MGAM: variants seen among roughly 807,000 people sequenced by gnomAD.
MGAM encodes alpha-1,4-glucosidase.
A neutral mutation model predicts 358.8 loss-of-function variants in MGAM; 253 were observed. That is an observed-to-expected ratio of 0.71 (90% CI 0.64 to 0.78). MGAM has a LOEUF of 0.78. Among genes scored for constraint, MGAM ranks in the 30% least tolerant of loss-of-function variants. The pLI is 0.00. For missense variants in MGAM, 3,080 were observed against 3,432.6 expected, an observed-to-expected ratio of 0.90 and a Z score of 2.57; for synonymous variants, 1,105 against 1,227.1, an observed-to-expected ratio of 0.90 and a Z score of 2.08.
chr7:142,053,864 T>C (rs760476274), intron 26 of MGAM, among the ~76,000 whole-genome samples: 4 of 152,188 alleles, frequency 2.6e-5, no homozygotes, highest in Non-Finnish European at 5.9e-5. Flanking sequence ...AACACTAGCA[T>C]GTTTTAGGCA....
At chr7:141,997,255 A>C (rs1161908571) in intron 1 of MGAM, among the ~76,000 whole-genome samples, 1 of 152,120 alleles carries the variant, frequency 6.6e-6, no homozygotes, top group African/African-American at 2.4e-5. Flanking sequence ...AACTGTCTAC[A>C]GTCTGTGTCC....
chr7:141,992,980 C>T (rs192541715), upstream of MGAM, among the ~76,000 whole-genome samples: 51 of 152,284 alleles, frequency 3.3e-4, no homozygotes, highest in East Asian at 7.1e-3. Flanking sequence ...CAAAGAAACA[C>T]GGTAAGTCAG....
At chr7:142,011,712 A>G (rs1335272157) in intron 3 of MGAM, among the ~76,000 whole-genome samples, 1 of 152,186 alleles carries the variant, frequency 6.6e-6, no homozygotes, top group East Asian at 1.9e-4. Context: ...TGACTATTGA[A>G]CACTATACTA....
rs1418217042 is a variant in MGAM at position 142,093,614 on chromosome 7, C to T, written c.7172+64C>T. 3 of 1,418,872 alleles carry T rather than the reference C, an allele frequency of 2.1e-6. No homozygotes were observed. In the Admixed American group the frequency reaches 6.3e-5, roughly 30 times the overall value. The allele number at this position is 1,418,872 out of a possible 1,614,324, so 87.9% of individuals were successfully genotyped here. On this transcript the variant is annotated intron_variant, in intron 60 of 70. Transcript: ENST00000475668. ...TAGGGATTGCCAGTGACTGACATAG[C>T]TACCCTACTTTTCTTTTCATTCCCA...
intron 1 of MGAM, among the ~76,000 whole-genome samples, chr7:141,997,826 C>A (rs1468538844): frequency 6.6e-6 from 1 of 152,158 alleles, no homozygotes; most frequent in Non-Finnish European, 1.5e-5. Flanking sequence ...TCCCATTCAC[C>A]AAGCAGCTGG....
At position 142,091,112 on chromosome 7, in the gene MGAM, T is replaced by C. The variant is rs1396011431; in HGVS notation, c.6811-801T>C. On this transcript the variant is annotated intron_variant, in intron 57 of 70. Transcript: ENST00000475668. ...AAATACAAAAATTAGCCAGGTGTAG[T>C]GGTGTGTGCCTGTAATCCCAGCTAC... Among the ~76,000 whole-genome samples, 3 of 144,082 alleles carry C rather than the reference T, an allele frequency of 2.1e-5. 1 individual carries two copies. The highest frequency in any genetic ancestry group is 3.1e-5 in the Non-Finnish European group (2 of 63,706). 94.5% of individuals were successfully genotyped at this position (144,082 alleles called of 152,430 possible).
intron 17 of MGAM, 125 bp downstream of exon 17, chr7:142,036,410 A>C: frequency 1.4e-6 from 1 of 739,650 alleles, no homozygotes; most frequent in Non-Finnish European, 2.3e-6. Flanking sequence ...TCTAATTTGC[A>C]CTATCATGTG....
At chr7:142,014,956 C>A (rs782668151) in intron 3 of MGAM, among the ~76,000 whole-genome samples, 1 of 151,804 alleles carries the variant, frequency 6.6e-6, no homozygotes. Flanking sequence ...TTACTTGCAT[C>A]TGTGTGATTT....
intron 16 of MGAM, 83 bp downstream of exon 16, chr7:142,034,924 C>G (rs1807851600): frequency 2.3e-6 from 3 of 1,328,046 alleles, no homozygotes; most frequent in Admixed American, 2.2e-5. Flanking sequence ...ACAAAGCTCC[C>G]CTCTCCTGCC....
At chr7:142,021,494 T>A (rs1806451394) in intron 5 of MGAM, 92 bp from the exon 6 acceptor site, 3 of 1,277,572 alleles carry the variant, frequency 2.3e-6, no homozygotes, top group Non-Finnish European at 3.3e-6. Flanking sequence ...GTCAGTTTGA[T>A]CAGTGCCTGA....
At chr7:142,096,699 G>C (rs533096758) in intron 65 of MGAM, among the ~76,000 whole-genome samples, 1 of 152,116 alleles carries the variant, frequency 6.6e-6, no homozygotes, top group Non-Finnish European at 1.5e-5. Context: ...ACTAAAATAA[G>C]GAATAGAAGA....
At chr7:142,041,728 A>G (rs954619287) in intron 21 of MGAM, among the ~76,000 whole-genome samples, 3 of 149,622 alleles carry the variant, frequency 2.0e-5, no homozygotes, top group African/African-American at 7.4e-5. Context: ...GGGCTTTTGC[A>G]CTTATCCTTT....
rs768507538 is a variant in MGAM at position 142,066,861 on chromosome 7, A to T, written c.4919+140A>T. On this transcript the variant is annotated intron_variant, in intron 41 of 70. Transcript: ENST00000475668. ...GCTCTTCAGACACAAAGTATACCTG[A>T]TTACTGTCTTTAGCACAGTGTTATA... 8.2e-5 allele frequency: 90 copies of T among 1,099,406 alleles called. 12 individuals carry two copies. The highest frequency in any genetic ancestry group is 1.1e-4 in the Non-Finnish European group (83 of 764,962). The allele number at this position is 1,099,406 out of a possible 1,614,324, so 68.1% of individuals were successfully genotyped here. A position where few individuals can be genotyped will look rare whatever the true frequency, so the allele number is the denominator to read the frequency against.
intron 3 of MGAM, 101 bp from the exon 4 acceptor site, chr7:142,019,098 G>C (rs1477801260): frequency 7.6e-7 from 1 of 1,321,508 alleles, no homozygotes; most frequent in Non-Finnish European, 1.0e-6. Flanking sequence ...TTTGTAAAAT[G>C]AAATTATTCA....
intron 1 of MGAM, among the ~76,000 whole-genome samples, chr7:141,999,413 T>C (rs559210875): frequency 6.2e-4 from 95 of 152,294 alleles, no homozygotes; most frequent in South Asian, 1.9e-3. Flanking sequence ...AGAGTGATGG[T>C]TAAAAGCCAT....
chr7:142,022,782 A>G (rs1652865627), intron 7 of MGAM, among the ~76,000 whole-genome samples: 1 of 152,214 alleles, frequency 6.6e-6, no homozygotes, highest in African/African-American at 2.4e-5. Context: ...AGAAGATATT[A>G]TTAATATCTG....
chr7:142,044,587 A>G (rs190698850), intron 21 of MGAM, among the ~76,000 whole-genome samples: 4,008 of 130,070 alleles, frequency 0.031, 114 homozygotes, highest in Non-Finnish European at 0.046. Flanking sequence ...TATATAATGT[A>G]TATTATATAC....
In MGAM at chr7:142,080,761, C is replaced by G. The variant is rs73524523; in HGVS notation, c.5848-30C>G. The G allele has an allele frequency of 9.2e-4, 1,414 of 1,531,328 alleles. 68 individuals carry two copies. The African/African-American group carries it at 0.016, about 17-fold the overall frequency. The allele number at this position is 1,531,328 out of a possible 1,614,324, so 94.9% of individuals were successfully genotyped here. Reference sequence around the variant, plus strand: ...GGGTATAGGTTTCAAGAGTAGTATTCTTGCCTAAAATCGTTTTCCTCTGGC... The same window carrying G: ...GGGTATAGGTTTCAAGAGTAGTATTGTTGCCTAAAATCGTTTTCCTCTGGC... On this transcript the variant is annotated intron_variant, in intron 49 of 70. Transcript: ENST00000475668.
intron 1 of MGAM, 45 bp from the exon 2 acceptor site, chr7:142,005,484 A>G (rs1805077331): frequency 7.3e-7 from 1 of 1,372,112 alleles, no homozygotes; most frequent in Non-Finnish European, 9.9e-7. Flanking sequence ...CTAGTTATAT[A>G]GTAAATCAAA....
Sources: gnomAD v4.1 joint callset for allele counts (sites outside exome capture counted in the v4.1 genomes callset) on GRCh38, gnomAD v4.1.1 for gene constraint, MANE v1.5 for transcripts, NCBI Gene and HGNC (gene_info 2026-07-23, HGNC 2026-07-21) for gene names.